The following UBR4 variants were observed in gnomAD, a reference collection of about 807,000 sequenced individuals.
The protein encoded by UBR4 is ubiquitin protein ligase E3 component n-recognin 4, also known as E3 ubiquitin-protein ligase UBR4.
UBR4 carries 124 observed loss-of-function variants against 575.6 expected under a neutral mutation model. That is an observed-to-expected ratio of 0.22 (90% confidence interval 0.19 to 0.25). The LOEUF is 0.25. Among genes scored for constraint, UBR4 ranks in the 10% least tolerant of loss-of-function variants. The pLI is 1.00. For synonymous variants in UBR4, 2,455 were observed against 2,473.7 expected, an observed-to-expected ratio of 0.99 and a Z score of 0.22; for missense variants, 4,818 against 6,478.8, an observed-to-expected ratio of 0.74 and a Z score of 8.80.
Position 19,164,845 on chromosome 1 carries a change from G to A in UBR4, c.4465C>T (p.Arg1489Trp), listed in dbSNP as rs765801500. The stretch of plus-strand genomic sequence containing the variant: ...GTGGTCAGTAACTGCAGCAGCTGCC[G>A]GTTCTCCTGAATTACATCCAGCTGA... ...SDQLDVIQEN[R>W]QLLQLLTTYI... is the part of the protein sequence containing the mutation. Residue 1489 changes from arginine to tryptophan, a missense_variant, in exon 32 of 106, where the codon CGG becomes TGG. Physicochemically the swap from Arg to Trp is moderately radical, Grantham distance 101 (BLOSUM62 -3). Around this residue, in one of 29 missense-constraint regions of UBR4, gnomAD observed 1,172 missense variants for 1,259.7 expected, o/e 0.93. Coordinates refer to ENST00000375254, the MANE Select transcript of UBR4 (RefSeq NM_020765.3). 6.2e-6 allele frequency: 10 copies of A among 1,614,056 alleles called. No individual in the cohort carries two copies. The highest frequency in any genetic ancestry group is 1.3e-5 in the African/African-American group (1 of 74,918).
At chr1:19,136,461 A>G (rs939991275) in intron 60 of UBR4, among the ~76,000 whole-genome samples, 1 of 152,240 alleles carries the variant, frequency 6.6e-6, no homozygotes, top group Non-Finnish European at 1.5e-5. Context: ...GTTAAAATGC[A>G]TAGTATAACC....
chr1:19,146,285 A>G (rs2084858448), intron 52 of UBR4, among the ~76,000 whole-genome samples: 1 of 152,226 alleles, frequency 6.6e-6, no homozygotes, highest in Non-Finnish European at 1.5e-5. Context: ...GTAGTATTAA[A>G]AGGAGGAACA....
chr1:19,140,831 A>G lies in UBR4; in HGVS notation c.8550T>C (p.Ser2850=). Residue 2850 remains serine, a synonymous_variant, in exon 58 of 106, where the codon TCT becomes TCC. Transcript: ENST00000375254. ...AGAGGGTTCCTGCGTCCAGAGAGGA[A>G]GAGCTGGGTGCCTGGCCGGACAGTC... is the stretch of plus-strand genomic sequence containing the variant. ...SLGLSGQAPS[S]SSLDAGTLSD... is the part of the protein sequence containing the mutation. The G allele has an allele frequency of 6.2e-7, 1 of 1,613,308 alleles. No individual in the cohort carries two copies. Among genetic ancestry groups the G allele is most frequent in the Middle Eastern group, 1.7e-4 (1 of 6,060 alleles).
chr1:19,078,552 G>GT (rs1223046288), intron 103 of UBR4: 1 of 159,046 alleles, frequency 6.3e-6, no homozygotes, highest in African/African-American at 2.4e-5. Context: ...GTCAAACACG[G>GT]TAACTTGTCA....
Position 19,100,685 on chromosome 1 carries a change from C to T in UBR4, c.13024-112G>A. 2.0e-6 allele frequency: 2 copies of T among 1,007,538 alleles called. No homozygotes were observed. The highest frequency in any genetic ancestry group is 1.6e-5 in the African/African-American group (1 of 62,136). 62.4% of individuals were successfully genotyped at this position (1,007,538 alleles called of 1,614,324 possible). ...AAAACACACCAAACTCAGCAAGCCCCCCAAACATTTAAAGATACAAAGGAC... is the reference window on the plus strand; with the variant it reads ...AAAACACACCAAACTCAGCAAGCCCTCCAAACATTTAAAGATACAAAGGAC... On this transcript the variant is annotated intron_variant, in intron 88 of 105. Coordinates refer to ENST00000375254, the MANE Select transcript of UBR4 (RefSeq NM_020765.3). The surrounding 1 kb of genome is among the most constrained non-coding windows in gnomAD (Gnocchi z 4.2).
chr1:19,081,273 G>A (rs562845617), intron 103 of UBR4, 76 bp downstream of exon 103: 71 of 1,298,240 alleles, frequency 5.5e-5, no homozygotes, highest in African/African-American at 1.6e-4. Flanking sequence ...CACCTAGCAC[G>A]TGCGTACCAC....
intron 58 of UBR4, among the ~76,000 whole-genome samples, 188 bp downstream of exon 58, chr1:19,140,600 C>CG (rs1337166660): frequency 1.3e-5 from 2 of 152,228 alleles, no homozygotes; most frequent in Middle Eastern, 3.2e-3. Flanking sequence ...TGTGAGGAAG[C>CG]GGAGCTGTGC....
At chr1:19,192,817 T>C (rs187243480) in intron 9 of UBR4, among the ~76,000 whole-genome samples, 308 of 152,080 alleles carry the variant, frequency 2.0e-3, no homozygotes, top group Admixed American at 3.7e-3. Flanking sequence ...AGTTTCACTC[T>C]TGTTGTCCAG....
At chr1:19,091,792 C>T (rs964368302) in intron 97 of UBR4, among the ~76,000 whole-genome samples, 3 of 152,150 alleles carry the variant, frequency 2.0e-5, no homozygotes, top group Non-Finnish European at 4.4e-5. Context: ...TACTATACAA[C>T]GCAGCAACTG....
chr1:19,078,949 A>G (rs1274087168), intron 103 of UBR4: 3 of 152,174 alleles, frequency 2.0e-5, no homozygotes, highest in Non-Finnish European at 4.4e-5. Context: ...TTCAGTTTCT[A>G]CCACCCAAGC....
At chr1:19,104,518 A>G (rs1035533109) in intron 86 of UBR4, 67 bp downstream of exon 86, 2 of 1,538,194 alleles carry the variant, frequency 1.3e-6, no homozygotes, top group Non-Finnish European at 1.8e-6. Context: ...CCCAGCACCC[A>G]AGGAACTAAG....
At chr1:19,165,515 AG>A (rs1346275643) in intron 30 of UBR4, 140 bp downstream of exon 30, 1 of 1,050,368 alleles carries the variant, frequency 9.5e-7, no homozygotes, top group East Asian at 2.4e-5. Context: ...CCAAGGAGTC[AG>A]CAATTAACTC....
rs1571283726 is a variant in UBR4 at position 19,161,093 on chromosome 1, C to A, written c.5230G>T (p.Ala1744Ser). Residue 1744 changes from alanine (A) to serine (S), a missense_variant, in exon 38 of 106, where the codon GCA becomes TCA. By Grantham distance (99) the Ala-to-Ser change is moderately conservative. This residue lies in a region of UBR4 where 159 missense variants were observed against 174.6 expected (regional missense o/e 0.91). Transcript: ENST00000375254. Reference sequence around the variant, plus strand: ...GAAATCCTGGGTTCACTCTGAAATGCCGACTCCTTCATGGTAGAGCTCATG... The same window carrying A: ...GAAATCCTGGGTTCACTCTGAAATGACGACTCCTTCATGGTAGAGCTCATG... The part of the protein sequence containing the change: ...SGMSSTMKES[A>S]FQSEPRISES... The A allele has an allele frequency of 3.1e-6, 5 of 1,614,112 alleles. No homozygotes were observed. The highest frequency in any genetic ancestry group is 4.5e-5 in the East Asian group (2 of 44,872).
chr1:19,095,940 G>A (rs1553142345), intron 92 of UBR4: 3 of 341,938 alleles, frequency 8.8e-6, no homozygotes, highest in East Asian at 6.7e-5. Flanking sequence ...TGTCTTGGGG[G>A]AAATCCCAGC....
In UBR4 at chr1:19,121,804, C is replaced by CA. The variant is rs1185547208; in HGVS notation, c.9895+129dup. On this transcript the variant is annotated intron_variant, in intron 67 of 105. Coordinates refer to ENST00000375254, the MANE Select transcript of UBR4 (RefSeq NM_020765.3). ...ATTTTTACTTGTCTTCTTTGCTAGA[C>CA]AGAGTTCTGTCTAGTCTATCTTGTT... 3.5e-6 allele frequency: 4 copies of CA among 1,132,436 alleles called. No homozygotes were observed. In the African/African-American group the frequency reaches 4.7e-5, roughly 13 times the overall value. The allele number at this position is 1,132,436 out of a possible 1,614,324, so 70.1% of individuals were successfully genotyped here.
chr1:19,159,380 A>C (rs1387198148), intron 39 of UBR4, among the ~76,000 whole-genome samples: 4 of 152,190 alleles, frequency 2.6e-5, no homozygotes, highest in African/African-American at 9.7e-5. Flanking sequence ...AAGTTATCTA[A>C]AGGACTATAT....
Position 19,165,738 on chromosome 1 carries a change from G to C in UBR4, c.4129C>G (p.Leu1377Val). 6.2e-7 allele frequency: 1 copy of C among 1,614,062 alleles called. No individual in the cohort carries two copies. The change falls in exon 30 of 106, where the codon CTG becomes GTG. Residue 1377 changes from leucine to valine, a missense_variant. Leu to Val is a conservative substitution (Grantham distance 32). Around this residue, in one of 29 missense-constraint regions of UBR4, gnomAD observed 1,172 missense variants for 1,259.7 expected, o/e 0.93. Transcript: ENST00000375254. The stretch of plus-strand genomic sequence containing the variant: ...TCCAAGTACTGGAGACATTCCTCCA[G>C]GATGGATTCATCCAGTCCACTGAGG... ...DPNSGLDESI[L>V]EECLQYLEKQ...
intron 8 of UBR4, among the ~76,000 whole-genome samples, chr1:19,196,013 CACACAA>C (rs1482123248): frequency 8.5e-5 from 12 of 140,416 alleles, no homozygotes; most frequent in African/African-American, 3.2e-4. Context: ...CACACACACA[CACACAA>C]ACTTACGTAG....
At position 19,184,161 on chromosome 1, in the gene UBR4, A is replaced by G; in HGVS notation, c.1953T>C (p.Ala651=). Residue 651 remains alanine (A), a synonymous_variant, in exon 16 of 106, where the codon GCT becomes GCC. Coordinates refer to ENST00000375254, the MANE Select transcript of UBR4 (RefSeq NM_020765.3). ...AGGTGATGAAGTTCAAAATGTTGGA[A>G]GCCAGACCTAAGAACTGAAAGGAAC... The part of the protein sequence containing the change: ...RKDPELFLGL[A]SNILNFITSS... The G allele has an allele frequency of 6.2e-7, 1 of 1,614,130 alleles. No homozygotes were observed. Among genetic ancestry groups the G allele is most frequent in the Non-Finnish European group, 8.5e-7 (1 of 1,179,996 alleles).
Sources: allele counts gnomAD v4.1 joint callset (sites outside exome capture counted in the v4.1 genomes callset), GRCh38; gene constraint gnomAD v4.1.1; regional missense constraint gnomAD v4.1.1; non-coding constraint Gnocchi (gnomAD v3.1); transcripts MANE v1.5; gene names NCBI Gene and HGNC (gene_info 2026-07-23, HGNC 2026-07-21).